The following P2RX7 variants were observed in gnomAD, a reference collection of about 807,000 sequenced individuals.
P2RX7 encodes purinergic receptor P2X 7.
P2RX7 carries 62 observed loss-of-function variants against 71.6 expected under a neutral mutation model. The ratio of observed to expected loss-of-function variants is 0.87; its 90% CI spans 0.71 to 1.07. P2RX7 has a LOEUF of 1.07. Ranked by LOEUF, P2RX7 falls within the 50% of genes least tolerant of loss-of-function variation. The probability of loss-of-function intolerance (pLI) is 0.00; values close to 1 mark genes in which losing one functional copy is unlikely to be tolerated. For synonymous variants in P2RX7, 299 were observed against 283.3 expected (o/e 1.06, Z -0.56); for missense variants, 686 against 748.5 (o/e 0.92, Z 0.97).
intron 1 of P2RX7, among the ~76,000 whole-genome samples, chr12:121,147,826 G>A (rs1023838832): frequency 5.9e-5 from 9 of 151,832 alleles, no homozygotes; most frequent in Non-Finnish European, 1.2e-4. Flanking sequence ...TTGGCCAGGC[G>A]GGTCTTGAAC....
intron 12 of P2RX7, among the ~76,000 whole-genome samples, chr12:121,183,468 G>A (rs1884459673): frequency 6.6e-6 from 1 of 151,202 alleles, no homozygotes; most frequent in Non-Finnish European, 1.5e-5. Context: ...CTACTCAGGA[G>A]GCTGAGGCAG....
At position 121,147,594 on chromosome 12, in the gene P2RX7, T is replaced by G. The variant is rs545194589; in HGVS notation, c.126-7191T>G. ...GGCCTACAAAATGCAAAATGGGCAG[T>G]TTTTTTTGTTGTTGTTTGTTTGTTT... On this transcript the variant is annotated intron_variant, in intron 1 of 12. Transcript: ENST00000328963. Among the ~76,000 whole-genome samples the G allele has an allele frequency of 9.5e-5, 11 of 116,106 alleles. No individual in the cohort carries two copies. The East Asian group carries it at 1.4e-3, about 15-fold the overall frequency. The allele number at this position is 116,106 out of a possible 152,430, so 76.2% of individuals were successfully genotyped here. A position where few individuals can be genotyped will look rare whatever the true frequency, so the allele number is the denominator to read the frequency against.
Position 121,167,595 on chromosome 12 carries a change from C to A in P2RX7, c.852C>A (p.Asn284Lys), listed in dbSNP as rs756569286. The A allele has an allele frequency of 6.2e-7, 1 of 1,608,080 alleles. No individual in the cohort carries two copies. The highest frequency in any genetic ancestry group is 8.5e-7 in the Non-Finnish European group (1 of 1,176,920). The stretch of plus-strand genomic sequence containing the variant: ...GTCGCCTTGACGACAAGACCACCAA[C>A]GTGTCCTTGTACCCTGGCTACAACT... ...SFRRLDDKTT[N>K]VSLYPGYNFR... Residue 284 changes from asparagine to lysine, a missense_variant, in exon 8 of 13, where the codon AAC becomes AAA. Physicochemically the swap from Asn to Lys is moderately conservative, Grantham distance 94. Transcript: ENST00000328963.
intron 1 of P2RX7, among the ~76,000 whole-genome samples, chr12:121,148,418 T>C (rs1248328121): frequency 6.6e-6 from 1 of 152,064 alleles, no homozygotes; most frequent in Non-Finnish European, 1.5e-5. Context: ...TTTCGCCATG[T>C]TGCCCAGGCT....
At chr12:121,156,747 A>C (rs1878653690) in intron 3 of P2RX7, among the ~76,000 whole-genome samples, 1 of 152,134 alleles carries the variant, frequency 6.6e-6, no homozygotes, top group Non-Finnish European at 1.5e-5. Context: ...CATCACGTGC[A>C]TGTGCCCCCA....
At chr12:121,164,860 A>G (rs1880675709) in intron 5 of P2RX7, among the ~76,000 whole-genome samples, 5 of 152,360 alleles carry the variant, frequency 3.3e-5, no homozygotes, top group Admixed American at 2.6e-4. Flanking sequence ...ATTGACTCAC[A>G]GCTCCACAGG....
chr12:121,166,887 CAAA>C (rs59533773), intron 7 of P2RX7, among the ~76,000 whole-genome samples: 27 of 107,676 alleles, frequency 2.5e-4, no homozygotes, highest in African/African-American at 8.3e-4. Flanking sequence ...ACTAAAAATA[CAAA>C]AAAAAAAAAA....
chr12:121,161,442 T>G (rs541948852), intron 4 of P2RX7, among the ~76,000 whole-genome samples: 1 of 152,326 alleles, frequency 6.6e-6, no homozygotes, highest in African/African-American at 2.4e-5. Flanking sequence ...TATTTATATC[T>G]AAGTGCAGTG....
chr12:121,153,869 T>C (rs1236926442), intron 1 of P2RX7, among the ~76,000 whole-genome samples: 2 of 152,116 alleles, frequency 1.3e-5, no homozygotes, highest in Non-Finnish European at 2.9e-5. Context: ...CCACAACATG[T>C]TGGGAGGCTC....
chr12:121,151,019 C>G (rs1306100709), intron 1 of P2RX7, among the ~76,000 whole-genome samples: 2 of 152,200 alleles, frequency 1.3e-5, no homozygotes, highest in African/African-American at 4.8e-5. Context: ...TCCAGTTTTG[C>G]TCCCTGCAAA....
At chr12:121,181,461 G>A (rs1884132261) in intron 12 of P2RX7, among the ~76,000 whole-genome samples, 1 of 152,182 alleles carries the variant, frequency 6.6e-6, no homozygotes, top group Non-Finnish European at 1.5e-5. Flanking sequence ...AACAAACGGT[G>A]CTGAAAAATG....
At chr12:121,139,621 G>A (rs1874394895) in intron 1 of P2RX7, among the ~76,000 whole-genome samples, 1 of 152,144 alleles carries the variant, frequency 6.6e-6, no homozygotes, top group Admixed American at 6.6e-5. Context: ...GTGAGTCTGG[G>A]CCTCCTCCAG....
At chr12:121,136,580 C>G (rs574776613) in intron 1 of P2RX7, among the ~76,000 whole-genome samples, 23 of 152,132 alleles carry the variant, frequency 1.5e-4, no homozygotes, top group African/African-American at 5.5e-4. Flanking sequence ...CTTTGGCCTC[C>G]CAAAGTGCTG....
chr12:121,139,930 C>G (rs1352324235), intron 1 of P2RX7, among the ~76,000 whole-genome samples: 1 of 152,134 alleles, frequency 6.6e-6, no homozygotes, highest in African/African-American at 2.4e-5. Context: ...TGGGGTTCTG[C>G]TATGTTGGCT....
intron 1 of P2RX7, among the ~76,000 whole-genome samples, chr12:121,141,033 C>T (rs1342677074): frequency 6.6e-6 from 1 of 152,098 alleles, no homozygotes; most frequent in Non-Finnish European, 1.5e-5. Flanking sequence ...TTGCAGTGAG[C>T]CTAAATCACA....
chr12:121,175,126 A>G (rs976026918), intron 8 of P2RX7, among the ~76,000 whole-genome samples: 4 of 152,080 alleles, frequency 2.6e-5, no homozygotes, highest in Non-Finnish European at 5.9e-5. Flanking sequence ...CCTGGGCAAC[A>G]TGGCAAAAGC....
chr12:121,144,818 G>C (rs1018027390), intron 1 of P2RX7, among the ~76,000 whole-genome samples: 2 of 152,152 alleles, frequency 1.3e-5, no homozygotes, highest in Non-Finnish European at 2.9e-5. Context: ...AACTGAACGG[G>C]TGAGTGGACA....
intron 5 of P2RX7, 113 bp downstream of exon 5, chr12:121,162,633 T>A: frequency 7.6e-7 from 1 of 1,318,022 alleles, no homozygotes; most frequent in Non-Finnish European, 1.0e-6. Flanking sequence ...TCCTGGGTCC[T>A]ACCGGCTTGG....
chr12:121,172,881 C>T (rs1249155429), intron 8 of P2RX7, among the ~76,000 whole-genome samples: 2 of 152,170 alleles, frequency 1.3e-5, no homozygotes, highest in African/African-American at 4.8e-5. Flanking sequence ...CTCCCTACAT[C>T]TTGTAACTAG....
Sources: gnomAD v4.1 joint callset for allele counts (sites outside exome capture counted in the v4.1 genomes callset) on GRCh38, gnomAD v4.1.1 for gene constraint, MANE v1.5 for transcripts, NCBI Gene and HGNC (gene_info 2026-07-23, HGNC 2026-07-21) for gene names.